Variants in ZNF536 observed in about 807,000 individuals in gnomAD.
ZNF536 encodes zinc finger protein 536.
ZNF536 carries 13 observed loss-of-function variants against 84.5 expected under a neutral mutation model. The ratio of observed to expected loss-of-function variants is 0.15; its 90% confidence interval spans 0.10 to 0.24. ZNF536 has a LOEUF of 0.24. Ranked by LOEUF, ZNF536 falls within the 10% of genes least tolerant of loss-of-function variation. ZNF536 has a pLI of 1.00. For missense variants in ZNF536, 1,536 were observed against 1,747.5 expected (o/e 0.88, Z 2.16); for synonymous variants, 811 against 742.5 (o/e 1.09, Z -1.50).
intron 1 of ZNF536, among the ~76,000 whole-genome samples, chr19:30,269,328 C>G (rs1272968050): frequency 6.6e-6 from 1 of 152,120 alleles, no homozygotes; most frequent in Non-Finnish European, 1.5e-5. Flanking sequence ...TTGGTGGAGA[C>G]AGTGGTCACT....
intron 2 of ZNF536, among the ~76,000 whole-genome samples, chr19:30,448,816 T>C (rs1385331692): frequency 2.6e-5 from 4 of 152,102 alleles, no homozygotes; most frequent in Admixed American, 2.0e-4. Context: ...CAAAGAAGGA[T>C]TGGGAACGGA....
intron 2 of ZNF536, among the ~76,000 whole-genome samples, chr19:30,486,435 TC>T (rs1285894336): frequency 2.6e-4 from 40 of 152,336 alleles, no homozygotes; most frequent in African/African-American, 7.7e-4. Flanking sequence ...ATGACCTCAT[TC>T]CTTTTTATGG....
In ZNF536 at chr19:30,557,137, A is replaced by G. The variant is rs751365139; in HGVS notation, c.3896-20A>G. The G allele has an allele frequency of 1.2e-6, 2 of 1,613,550 alleles. No individual in the cohort carries two copies. The highest frequency in any genetic ancestry group is 1.7e-5 in the Admixed American group (1 of 59,956). On this transcript the variant is annotated intron_variant, in intron 4 of 4. Coordinates refer to ENST00000355537, the MANE Select transcript of ZNF536 (RefSeq NM_014717.3). Reference sequence around the variant, plus strand: ...TGATGGTTTCTGGATTATTTAATAAATCTGCACATTTTCTTGCAGGTAAGT... The same window carrying G: ...TGATGGTTTCTGGATTATTTAATAAGTCTGCACATTTTCTTGCAGGTAAGT...
At chr19:30,476,459 C>G (rs2144739427) in intron 2 of ZNF536, among the ~76,000 whole-genome samples, 1 of 152,268 alleles carries the variant, frequency 6.6e-6, no homozygotes, top group Non-Finnish European at 1.5e-5. Context: ...GGAAATGTCA[C>G]TGGGTTGTGG....
intron 1 of ZNF536, among the ~76,000 whole-genome samples, chr19:30,601,010 AG>A (rs1295435469): frequency 6.6e-6 from 1 of 152,228 alleles, no homozygotes; most frequent in Non-Finnish European, 1.5e-5. Context: ...TTTGGGTAAA[AG>A]GTCTAAACTC....
intron 1 of ZNF536, among the ~76,000 whole-genome samples, chr19:30,234,497 G>A (rs2023323616): frequency 6.7e-6 from 1 of 148,862 alleles, no homozygotes. Context: ...TGCCTCCCAG[G>A]TTCAAGGGGT....
rs527266201 is a variant in ZNF536 at position 30,415,284 on chromosome 19, C to CCTTCTTCTT, written c.-2-28262_-2-28254dup. Among the ~76,000 whole-genome samples the CCTTCTTCTT allele has an allele frequency of 2.8e-3, 341 of 120,180 alleles. 2 individuals are homozygous for CCTTCTTCTT. Among genetic ancestry groups the CCTTCTTCTT allele is most frequent in the Middle Eastern group, 8.9e-3 (2 of 224 alleles). 78.8% of individuals were successfully genotyped at this position (120,180 alleles called of 152,430 possible). On this transcript the variant is annotated intron_variant, in intron 1 of 4. Transcript: ENST00000355537. ...TTCTCCTCCTCCTGCTCCTCCTCCTCCTTCTTCTTCTTCTTCTTCTTCTCC... is the reference window on the plus strand; with the variant it reads ...TTCTCCTCCTCCTGCTCCTCCTCCTCCTTCTTCTTCTTCTTCTTCTTCTTCTTCTTCTCC...
At chr19:30,625,193 A>C (rs1024422443) in intron 1 of ZNF536, among the ~76,000 whole-genome samples, 10 of 152,196 alleles carry the variant, frequency 6.6e-5, no homozygotes, top group African/African-American at 2.4e-4. Context: ...GTAACCAAGC[A>C]CAGCTGAGCT....
intron 1 of ZNF536, among the ~76,000 whole-genome samples, chr19:30,435,613 TTGC>T (rs1394186613): frequency 6.6e-6 from 1 of 151,902 alleles, no homozygotes; most frequent in African/African-American, 2.4e-5. Flanking sequence ...GGTGATGCTC[TTGC>T]TGCTGCTGCT....
At position 30,348,804 on chromosome 19, in the gene ZNF536, T is replaced by C. The variant is rs541347546; in HGVS notation, c.-119-3564T>C. ...AAAGAGTTTCCATCCATTTTCTTTT[T>C]TTTTCTTTTCTTTTTTTTTTTTTAT... On this transcript the variant is annotated intron_variant, in intron 2 of 5. Transcript: ENST00000585628. 1.9e-3 allele frequency among the ~76,000 whole-genome samples: 224 copies of C among 116,082 alleles called. 1 individual carries two copies. Among genetic ancestry groups the C allele is most frequent in the African/African-American group, 6.2e-3 (216 of 34,710 alleles). 76.2% of individuals were successfully genotyped at this position (116,082 alleles called of 152,430 possible).
chr19:30,570,825 A>ACT (rs1451187254), intron 1 of ZNF536, among the ~76,000 whole-genome samples: 13 of 152,232 alleles, frequency 8.5e-5, no homozygotes, highest in Non-Finnish European at 1.6e-4. Context: ...TGGCCATGAA[A>ACT]ATAGCGTTCG....
chr19:30,662,943 TTC>T (rs1007760563), intron 1 of ZNF536, among the ~76,000 whole-genome samples: 1 of 151,390 alleles, frequency 6.6e-6, no homozygotes, highest in Non-Finnish European at 1.5e-5. Context: ...CTCTCTTTCT[TTC>T]TTTTTCTTTT....
intron 2 of ZNF536, among the ~76,000 whole-genome samples, chr19:30,340,787 G>A (rs2047540591): frequency 6.6e-6 from 1 of 152,168 alleles, no homozygotes; most frequent in Non-Finnish European, 1.5e-5. Context: ...GAGGTTGCAG[G>A]TATACAGTCA....
chr19:30,400,116 A>G (rs1234774503), intron 1 of ZNF536, among the ~76,000 whole-genome samples: 3 of 150,106 alleles, frequency 2.0e-5, no homozygotes, highest in Non-Finnish European at 4.4e-5. Context: ...AATTCATTTC[A>G]CTATTCTCCT....
chr19:30,666,274 G>T (rs977190202), intron 1 of ZNF536, among the ~76,000 whole-genome samples: 1 of 152,162 alleles, frequency 6.6e-6, no homozygotes, highest in Non-Finnish European at 1.5e-5. Context: ...TGCTTGAGCT[G>T]CTTCTCATCT....
At chr19:30,233,422 G>C (rs538239227) in intron 1 of ZNF536, among the ~76,000 whole-genome samples, 8 of 150,974 alleles carry the variant, frequency 5.3e-5, no homozygotes, top group Non-Finnish European at 8.8e-5. Flanking sequence ...ACGGCTCACT[G>C]TAGCCTCGTC....
intron 3 of ZNF536, among the ~76,000 whole-genome samples, chr19:30,364,213 A>C (rs751061808): frequency 6.6e-6 from 1 of 152,128 alleles, no homozygotes; most frequent in African/African-American, 2.4e-5. Flanking sequence ...TGACACAGGG[A>C]AAGTGGGAAT....
chr19:30,377,001 G>C (rs1415792822), intron 1 of ZNF536, among the ~76,000 whole-genome samples: 1 of 152,236 alleles, frequency 6.6e-6, no homozygotes, highest in Non-Finnish European at 1.5e-5. Context: ...TCCATCAGGG[G>C]AGGCTGGCAG....
rs1046066856 is a variant in ZNF536, at chr19:30,446,014, G to A, written c.2170+282G>A. On this transcript the variant is annotated intron_variant, in intron 2 of 4. Coordinates refer to ENST00000355537, the MANE Select transcript of ZNF536 (RefSeq NM_014717.3). ...TGTAATCCCAGCACTTTGGGCGCCC[G>A]AGGCCGGTGGATCACTTGAGGCCAG... is the stretch of plus-strand genomic sequence containing the variant. Among the ~76,000 whole-genome samples the A allele has an allele frequency of 7.9e-5, 12 of 152,172 alleles. 1 individual carries two copies. Among genetic ancestry groups the A allele is most frequent in the Middle Eastern group, 6.8e-3 (2 of 294 alleles).
Sources: allele counts gnomAD v4.1 joint callset (sites outside exome capture counted in the v4.1 genomes callset), GRCh38; gene constraint gnomAD v4.1.1; transcripts MANE v1.5; gene names NCBI Gene and HGNC (gene_info 2026-07-23, HGNC 2026-07-21).